Variants in ENAH observed in about 807,000 individuals in gnomAD.
The protein encoded by ENAH is ENAH actin regulator.
Under a neutral mutation model 78.7 loss-of-function variants are expected in ENAH, and 23 were observed. That is an observed-to-expected ratio of 0.29 (90% CI 0.21 to 0.41). The LOEUF (loss-of-function observed/expected upper bound fraction) is 0.41, where lower values mean the gene tolerates loss of function less well. Among genes scored for constraint, ENAH ranks in the 10% least tolerant of loss-of-function variants. The probability of loss-of-function intolerance (pLI) is 1.00; values close to 1 mark genes in which losing one functional copy is unlikely to be tolerated. For synonymous variants in ENAH, 226 were observed against 241.0 expected (o/e 0.94, Z 0.58); for missense variants, 544 against 691.0 (o/e 0.79, Z 2.39).
chr1:225,553,946 T>C (rs947648195), intron 3 of ENAH, among the ~76,000 whole-genome samples: 1 of 152,198 alleles, frequency 6.6e-6, no homozygotes, highest in Non-Finnish European at 1.5e-5. Flanking sequence ...AAATTAGTAT[T>C]TGACAGACTA....
chr1:225,555,988 C>T (rs113496879), intron 2 of ENAH, among the ~76,000 whole-genome samples: 1 of 152,068 alleles, frequency 6.6e-6, no homozygotes, highest in Non-Finnish European at 1.5e-5. Context: ...ATGTATTAAA[C>T]GTATCTGCTC....
chr1:225,576,395 T>C lies in ENAH; in HGVS notation c.6-8981A>G, dbSNP rs531406721. Among the ~76,000 whole-genome samples, 8 of 152,238 alleles carry C rather than the reference T, an allele frequency of 5.3e-5. No homozygotes were observed. The East Asian group carries it at 7.7e-4, about 15-fold the overall frequency. On this transcript the variant is annotated intron_variant, in intron 1 of 13. Transcript: ENST00000366843. ...TATTATATAAATTGATATGTGAGTA[T>C]ACAGAAATACTATAAAAATTAAGTT...
At chr1:225,543,183 T>C (rs1258926172) in intron 3 of ENAH, among the ~76,000 whole-genome samples, 1 of 152,096 alleles carries the variant, frequency 6.6e-6, no homozygotes, top group Non-Finnish European at 1.5e-5. Context: ...GGAGACACAT[T>C]TCCTAGGCAC....
intron 1 of ENAH, among the ~76,000 whole-genome samples, chr1:225,574,895 C>T (rs59635927): frequency 3.7e-3 from 1 of 272 alleles, no homozygotes; most frequent in Non-Finnish European, 4.3e-3. Context: ...AGCGAGACTC[C>T]GTCTCAAAAA....
Position 225,495,379 on chromosome 1 carries a change from T to C in ENAH, c.*2396A>G, listed in dbSNP as rs192508375. The stretch of plus-strand genomic sequence containing the variant: ...TGTCATGTATGATAGCAAATGTATA[T>C]AATAATTCATTCAGACTTCTTGGAA... On this transcript the variant is annotated 3_prime_UTR_variant, in exon 14 of 14. Coordinates refer to ENST00000366843, the MANE Select transcript of ENAH (RefSeq NM_018212.6). 4 of 151,990 alleles carry C rather than the reference T, an allele frequency of 2.6e-5. No individual in the cohort carries two copies. The highest frequency in any genetic ancestry group is 7.3e-5 in the African/African-American group (3 of 41,352). 9.4% of individuals were successfully genotyped at this position (151,990 alleles called of 1,614,324 possible).
At chr1:225,570,774 C>A (rs2151535576) in intron 1 of ENAH, among the ~76,000 whole-genome samples, 1 of 150,102 alleles carries the variant, frequency 6.7e-6, no homozygotes, top group South Asian at 2.1e-4. Context: ...GCCTGACCAA[C>A]ATGGAGAAAC....
At chr1:225,624,158 T>C (rs1372772699) in intron 1 of ENAH, among the ~76,000 whole-genome samples, 2 of 152,058 alleles carry the variant, frequency 1.3e-5, no homozygotes, top group Admixed American at 6.6e-5. Flanking sequence ...GCTTCATAGG[T>C]TGGGTACAGT....
chr1:225,538,006 T>C (rs1033215619), intron 3 of ENAH, among the ~76,000 whole-genome samples: 3 of 152,144 alleles, frequency 2.0e-5, no homozygotes, highest in Non-Finnish European at 2.9e-5. Context: ...CCCAAGGCAA[T>C]TGATAATGTG....
intron 4 of ENAH, among the ~76,000 whole-genome samples, chr1:225,523,499 TCA>T (rs2096484917): frequency 6.6e-6 from 1 of 152,076 alleles, no homozygotes; most frequent in South Asian, 2.1e-4. Context: ...ATTTCTAAGT[TCA>T]CAGACAGATG....
At chr1:225,548,205 ATT>A (rs1483544859) in intron 3 of ENAH, among the ~76,000 whole-genome samples, 1 of 111,404 alleles carries the variant, frequency 9.0e-6, no homozygotes, top group African/African-American at 3.3e-5. Context: ...TAGAATTTTC[ATT>A]TTCTTTTTTT....
chr1:225,599,688 C>T (rs535977905), intron 1 of ENAH, among the ~76,000 whole-genome samples: 5 of 150,562 alleles, frequency 3.3e-5, no homozygotes, highest in East Asian at 3.9e-4. Flanking sequence ...CCCAGCTACT[C>T]GGAAGACTGA....
At position 225,514,718 on chromosome 1, in the gene ENAH, G is replaced by A; in HGVS notation, c.1096C>T (p.Pro366Ser). 1 of 1,544,586 alleles carries A rather than the reference G, an allele frequency of 6.5e-7. No homozygotes were observed. Among genetic ancestry groups the A allele is most frequent in the South Asian group, 1.1e-5 (1 of 89,084 alleles). ...LPNQVPPPPP[P>S]PPAPPLPASG... ...GCAGGGAGGGGTGGGGCAGGAGGTG[G>A]TGGAGGAGGAGGGGGTACTTGATTA... The change falls in exon 7 of 14, where the codon CCA (proline) becomes TCA (serine). Residue 366 changes from proline (P) to serine (S), a missense_variant. Pro to Ser is a moderately conservative substitution (Grantham distance 74). Around this residue, in one of 4 missense-constraint regions of ENAH, gnomAD observed 366 missense variants for 396.1 expected, o/e 0.92. Transcript: ENST00000366843.
intron 3 of ENAH, among the ~76,000 whole-genome samples, chr1:225,547,483 C>A (rs1575482542): frequency 6.6e-6 from 1 of 152,160 alleles, no homozygotes; most frequent in Non-Finnish European, 1.5e-5. Flanking sequence ...AAATTCACCT[C>A]ATTCTACCAC....
At chr1:225,625,581 G>GT (rs1260483258) in intron 1 of ENAH, among the ~76,000 whole-genome samples, 6 of 152,280 alleles carry the variant, frequency 3.9e-5, no homozygotes, top group African/African-American at 1.4e-4. Flanking sequence ...GCAGTGTAAT[G>GT]ACATGATCTC....
At chr1:225,623,541 C>T (rs975542648) in intron 1 of ENAH, among the ~76,000 whole-genome samples, 11 of 151,568 alleles carry the variant, frequency 7.3e-5, no homozygotes, top group Non-Finnish European at 1.2e-4. Flanking sequence ...CTTCCTGCCC[C>T]CCAAGTTGTG....
At chr1:225,596,235 T>G (rs575228952) in intron 1 of ENAH, among the ~76,000 whole-genome samples, 2 of 152,314 alleles carry the variant, frequency 1.3e-5, no homozygotes, top group South Asian at 4.1e-4. Flanking sequence ...TACTCTTCAT[T>G]GAAAAACCGA....
rs1216962517 is a variant in ENAH at position 225,530,656 on chromosome 1, A to T, written c.350-18T>A. On this transcript the variant is annotated intron_variant, in intron 3 of 13. Coordinates refer to ENST00000366843, the MANE Select transcript of ENAH (RefSeq NM_018212.6). ...TGTTGGCCCTACAGAGGGAGAAAAC[A>T]TTACAGATGAACATTATTTTCATAT... The T allele has an allele frequency of 1.3e-6, 2 of 1,563,584 alleles. No homozygotes were observed. The highest frequency in any genetic ancestry group is 3.3e-5 in the Admixed American group (2 of 59,792).
At chr1:225,586,417 C>G (rs1282162997) in intron 1 of ENAH, among the ~76,000 whole-genome samples, 1 of 151,854 alleles carries the variant, frequency 6.6e-6, no homozygotes, top group African/African-American at 2.4e-5. Flanking sequence ...TGTCAAATAG[C>G]TCAGGAAAAA....
intron 4 of ENAH, among the ~76,000 whole-genome samples, chr1:225,524,038 T>C (rs2096488430): frequency 6.6e-6 from 1 of 152,186 alleles, no homozygotes; most frequent in African/African-American, 2.4e-5. Flanking sequence ...TGAAAGTTTC[T>C]GAGAATATAA....
Sources: allele counts gnomAD v4.1 joint callset (sites outside exome capture counted in the v4.1 genomes callset), GRCh38; gene constraint gnomAD v4.1.1; regional missense constraint gnomAD v4.1.1; transcripts MANE v1.5; gene names NCBI Gene and HGNC (gene_info 2026-07-23, HGNC 2026-07-21).